The following NLK variants were observed in gnomAD, a reference collection of about 807,000 sequenced individuals.
The protein encoded by NLK is serine/threonine-protein kinase NLK.
NLK carries 11 observed loss-of-function variants against 59.0 expected under a neutral mutation model. The observed-to-expected ratio is 0.19, with a 90% confidence interval of 0.12 to 0.31. The LOEUF (loss-of-function observed/expected upper bound fraction) is 0.31, where lower values mean the gene tolerates loss of function less well. Among genes scored for constraint, NLK ranks in the 10% least tolerant of loss-of-function variants. The pLI is 1.00. For synonymous variants in NLK, 235 were observed against 235.9 expected (o/e 1.00, Z 0.03); for missense variants, 410 against 661.1 (o/e 0.62, Z 4.16).
rs189279777 is a variant in NLK, at chr17:28,189,486, A to C, written c.1237-1535A>C. On this transcript the variant is annotated intron_variant, in intron 8 of 10. Coordinates refer to ENST00000407008, the MANE Select transcript of NLK (RefSeq NM_016231.5). The stretch of plus-strand genomic sequence containing the variant: ...CTGCACAGTGGTGTAAGTGTGAAGC[A>C]TCTTACAGACAAGTATGTTGTTGGA... Among the ~76,000 whole-genome samples the C allele has an allele frequency of 5.6e-4, 86 of 152,376 alleles. 1 individual carries two copies. The highest frequency in any genetic ancestry group is 4.8e-3 in the South Asian group (23 of 4,828).
chr17:28,187,536 A>C (rs1221530456), intron 8 of NLK, among the ~76,000 whole-genome samples: 2 of 152,142 alleles, frequency 1.3e-5, no homozygotes, highest in African/African-American at 4.8e-5. Flanking sequence ...TCCTGACCTC[A>C]TGATCCACCT....
chr17:28,097,071 C>T (rs1356369930), intron 1 of NLK, among the ~76,000 whole-genome samples: 1 of 152,090 alleles, frequency 6.6e-6, no homozygotes, highest in African/African-American at 2.4e-5. Context: ...TATTCTTTTT[C>T]CATCTAATGA....
At chr17:28,125,114 C>T (rs1179127710) in intron 2 of NLK, among the ~76,000 whole-genome samples, 2 of 152,026 alleles carry the variant, frequency 1.3e-5, no homozygotes, top group African/African-American at 4.8e-5. Context: ...TCCAACCAAT[C>T]TTGGCCTCTT....
At chr17:28,052,473 T>C (rs978800090) in intron 1 of NLK, among the ~76,000 whole-genome samples, 7 of 152,126 alleles carry the variant, frequency 4.6e-5, no homozygotes, top group Non-Finnish European at 1.0e-4. Flanking sequence ...TTTCAGGCTG[T>C]AGTAGTTTAG....
intron 1 of NLK, among the ~76,000 whole-genome samples, chr17:28,104,611 G>A (rs1484670570): frequency 6.6e-6 from 1 of 151,894 alleles, no homozygotes; most frequent in Non-Finnish European, 1.5e-5. Flanking sequence ...GACTTTTTTG[G>A]CAAGCACACA....
At chr17:28,045,343 T>C (rs140698420) in intron 1 of NLK, among the ~76,000 whole-genome samples, 30 of 152,364 alleles carry the variant, frequency 2.0e-4, no homozygotes, top group Admixed American at 3.3e-4. Context: ...GCTTGGTTAA[T>C]TGATCTAGTC....
chr17:28,124,188 A>G (rs867807581), intron 2 of NLK, among the ~76,000 whole-genome samples: 1 of 152,142 alleles, frequency 6.6e-6, no homozygotes, highest in Non-Finnish European at 1.5e-5. Flanking sequence ...TGTTTTAGTC[A>G]ATTGGAACTG....
intron 4 of NLK, among the ~76,000 whole-genome samples, chr17:28,161,805 G>C (rs933333472): frequency 6.6e-5 from 10 of 152,118 alleles, no homozygotes; most frequent in Non-Finnish European, 1.5e-4. Context: ...GCACAGACTT[G>C]ACTGAGAAAG....
intron 5 of NLK, 49 bp from the exon 6 acceptor site, chr17:28,168,399 C>A: frequency 7.4e-7 from 1 of 1,345,346 alleles, no homozygotes; most frequent in African/African-American, 1.5e-5. Context: ...TTGTTTTACT[C>A]TTTCATTTGT....
At chr17:28,177,104 C>G (rs1048383301) in intron 7 of NLK, among the ~76,000 whole-genome samples, 2 of 152,024 alleles carry the variant, frequency 1.3e-5, no homozygotes, top group African/African-American at 4.8e-5. Flanking sequence ...GGTCTTCATC[C>G]TCATTGTCTT....
At chr17:28,160,306 T>C (rs971462618) in intron 3 of NLK, among the ~76,000 whole-genome samples, 2 of 152,240 alleles carry the variant, frequency 1.3e-5, no homozygotes, top group Non-Finnish European at 2.9e-5. Context: ...AAGGCTGTTA[T>C]TATCAGTTCT....
At chr17:28,145,113 A>C (rs922879347) in intron 3 of NLK, among the ~76,000 whole-genome samples, 1 of 152,204 alleles carries the variant, frequency 6.6e-6, no homozygotes, top group East Asian at 1.9e-4. Context: ...AGTTTACATC[A>C]CTTAGAGGTG....
intron 1 of NLK, among the ~76,000 whole-genome samples, chr17:28,117,517 C>G (rs2142812413): frequency 6.6e-6 from 1 of 152,212 alleles, no homozygotes; most frequent in East Asian, 1.9e-4. Flanking sequence ...ATTTTTAGTT[C>G]ATTAAACACA....
intron 1 of NLK, among the ~76,000 whole-genome samples, chr17:28,080,279 C>G (rs1910302542): frequency 6.6e-6 from 1 of 151,934 alleles, no homozygotes; most frequent in East Asian, 1.9e-4. Flanking sequence ...TAGTGAGACC[C>G]TATCTCTACA....
At chr17:28,058,536 G>C (rs1909519046) in intron 1 of NLK, among the ~76,000 whole-genome samples, 1 of 152,204 alleles carries the variant, frequency 6.6e-6, no homozygotes, top group Admixed American at 6.5e-5. Context: ...TCATGTCTTA[G>C]TTGCTTCTTC....
chr17:28,128,177 A>T (rs1906368097), intron 2 of NLK, among the ~76,000 whole-genome samples: 1 of 152,204 alleles, frequency 6.6e-6, no homozygotes, highest in Admixed American at 6.5e-5. Flanking sequence ...AACATAGGCA[A>T]GTATCTTCAT....
chr17:28,205,376 C>T, the NLK span, among the ~76,000 whole-genome samples: 13 of 152,180 alleles, frequency 8.5e-5, no homozygotes, highest in African/African-American at 2.6e-4. Flanking sequence ...AGGAACTCAG[C>T]AGAGGAGCAA....
At chr17:28,138,489 A>C (rs1906852712) in intron 3 of NLK, among the ~76,000 whole-genome samples, 1 of 152,192 alleles carries the variant, frequency 6.6e-6, no homozygotes, top group Non-Finnish European at 1.5e-5. Flanking sequence ...TTTAAATAGG[A>C]ATCTCTTGTC....
chr17:28,112,879 G>A (rs75030842), intron 1 of NLK, among the ~76,000 whole-genome samples: 2,568 of 150,920 alleles, frequency 0.017, 81 homozygotes, highest in African/African-American at 0.059. Context: ...GGAAATGTTT[G>A]TTTTTTTTTA....
Sources: allele counts gnomAD v4.1 joint callset (sites outside exome capture counted in the v4.1 genomes callset), GRCh38; gene constraint gnomAD v4.1.1; transcripts MANE v1.5; gene names NCBI Gene and HGNC (gene_info 2026-07-23, HGNC 2026-07-21).